The following ANO5 variants were observed in gnomAD, a reference collection of about 807,000 sequenced individuals.
ANO5 encodes anoctamin 5.
A neutral mutation model predicts 121.0 loss-of-function variants in ANO5; 109 were observed. The observed-to-expected ratio is 0.90, with a 90% CI of 0.77 to 1.06. The LOEUF (loss-of-function observed/expected upper bound fraction) is 1.06, where lower values mean the gene tolerates loss of function less well. Ranked by LOEUF, ANO5 falls within the 50% of genes least tolerant of loss-of-function variation. ANO5 has a pLI of 0.00. For missense variants in ANO5, 1,064 were observed against 1,078.5 expected, an observed-to-expected ratio of 0.99 and a Z score of 0.19; for synonymous variants, 406 against 359.9, an observed-to-expected ratio of 1.13 and a Z score of -1.45.
chr11:22,200,443 T>C (rs1851932472), intron 1 of ANO5, among the ~76,000 whole-genome samples: 1 of 152,200 alleles, frequency 6.6e-6, no homozygotes, highest in Non-Finnish European at 1.5e-5. Context: ...GCATCAGCGC[T>C]TCATGCATTC....
At chr11:22,232,194 G>C (rs996693682) in intron 7 of ANO5, among the ~76,000 whole-genome samples, 17 of 151,948 alleles carry the variant, frequency 1.1e-4, no homozygotes, top group African/African-American at 4.1e-4. Flanking sequence ...GCTCTTGTAT[G>C]AACTTTTGTT....
chr11:22,196,073 T>C (rs1251808974), intron 1 of ANO5, among the ~76,000 whole-genome samples: 2 of 152,222 alleles, frequency 1.3e-5, no homozygotes, highest in Non-Finnish European at 2.9e-5. Flanking sequence ...GAGACCTGTG[T>C]TCTTATTAGG....
At chr11:22,218,787 T>C (rs926417578) in intron 4 of ANO5, among the ~76,000 whole-genome samples, 1 of 151,990 alleles carries the variant, frequency 6.6e-6, no homozygotes, top group African/African-American at 2.4e-5. Flanking sequence ...GGTCTTGAAC[T>C]CCTGAGCTCA....
At chr11:22,273,032 T>TG (rs764834668) in intron 19 of ANO5, 43 bp downstream of exon 19, 11 of 1,544,622 alleles carry the variant, frequency 7.1e-6, no homozygotes, top group Non-Finnish European at 9.8e-6. Context: ...TATTTCATTT[T>TG]GGGGGGTGTG....
chr11:22,266,220 A>G (rs1854360935), intron 17 of ANO5, among the ~76,000 whole-genome samples: 1 of 152,204 alleles, frequency 6.6e-6, no homozygotes, highest in Admixed American at 6.5e-5. Context: ...AATGAAGCAC[A>G]TGAAAGAGCT....
intron 15 of ANO5, 71 bp downstream of exon 15, chr11:22,259,812 C>T: frequency 7.1e-7 from 1 of 1,416,260 alleles, no homozygotes; most frequent in Non-Finnish European, 9.8e-7. Context: ...TATTTTGGAT[C>T]AGGTCTCCAG....
At chr11:22,250,540 T>C (rs116081719) in intron 10 of ANO5, among the ~76,000 whole-genome samples, 169 bp downstream of exon 10, 5 of 152,194 alleles carry the variant, frequency 3.3e-5, no homozygotes, top group Non-Finnish European at 7.4e-5. Context: ...CACCTGGTGC[T>C]TTATGGAAAA....
chr11:22,209,089 A>G (rs544271174), intron 2 of ANO5, among the ~76,000 whole-genome samples: 2 of 152,128 alleles, frequency 1.3e-5, no homozygotes, highest in South Asian at 2.1e-4. Flanking sequence ...AGACAGAAGT[A>G]TAAGAATTGT....
intron 21 of ANO5, among the ~76,000 whole-genome samples, chr11:22,276,526 A>G (rs1158221603): frequency 2.6e-5 from 4 of 151,812 alleles, no homozygotes; most frequent in African/African-American, 7.2e-5. Flanking sequence ...GCTGTATTAA[A>G]TCATAACAAC....
Position 22,239,600 on chromosome 11 carries a change from A to T in ANO5, c.794A>T (p.Asn265Ile), listed in dbSNP as rs377553546. ...GQYWKPSEPP[N>I]PTNERYTLHQ... ...TATTGGAAGCCATCAGAACCTCCCA[A>T]TCCTACCAATGAAAGATACACACTT... The change falls in exon 9 of 22, where the codon AAT becomes ATT. Residue 265 changes from asparagine (N) to isoleucine (I), a missense_variant. Transcript: ENST00000324559. The T allele has an allele frequency of 1.4e-5, 22 of 1,612,782 alleles. No homozygotes were observed. Among genetic ancestry groups the T allele is most frequent in the Non-Finnish European group, 1.7e-5 (20 of 1,179,098 alleles).
intron 1 of ANO5, among the ~76,000 whole-genome samples, chr11:22,195,926 G>A (rs1851797058): frequency 6.6e-6 from 1 of 152,122 alleles, no homozygotes; most frequent in Non-Finnish European, 1.5e-5. Context: ...CAGAACCCAA[G>A]CATCAGGGAA....
At position 22,279,875 on chromosome 11, in the gene ANO5, T is replaced by C. The variant is rs1242059732; in HGVS notation, c.*110T>C. 8 of 990,510 alleles carry C rather than the reference T, an allele frequency of 8.1e-6. No homozygotes were observed. Among genetic ancestry groups the C allele is most frequent in the Non-Finnish European group, 1.2e-5 (8 of 680,476 alleles). The allele number at this position is 990,510 out of a possible 1,614,324, so 61.4% of individuals were successfully genotyped here. ...CAATTTTACCCTTTCTTTTTTTTTT[T>C]TTTCTTTTTTTTTTTAAACTCAAAG... On this transcript the variant is annotated 3_prime_UTR_variant, in exon 22 of 22. Coordinates refer to ENST00000324559, the MANE Select transcript of ANO5 (RefSeq NM_213599.3).
At chr11:22,249,231 A>C (rs2133699052) in intron 9 of ANO5, among the ~76,000 whole-genome samples, 1 of 152,220 alleles carries the variant, frequency 6.6e-6, no homozygotes, top group East Asian at 1.9e-4. Flanking sequence ...ATGTTCAATA[A>C]AGTTAATATT....
At position 22,281,065 on chromosome 11, in the gene ANO5, AAAC is replaced by A. The variant is rs1188578264; in HGVS notation, c.*1301_*1303del. ...ATCCTTGTTCTGTTTTCACTTAAAAAAACTAAATATGTATAACTTTGTGTATAC... is the reference window on the plus strand; with the variant it reads ...ATCCTTGTTCTGTTTTCACTTAAAAATAAATATGTATAACTTTGTGTATAC... On this transcript the variant is annotated 3_prime_UTR_variant, in exon 22 of 22. Transcript: ENST00000324559. 6.6e-6 allele frequency: 1 copy of A among 152,010 alleles called. No homozygotes were observed. Among genetic ancestry groups the A allele is most frequent in the Non-Finnish European group, 1.5e-5 (1 of 67,874 alleles). The allele number at this position is 152,010 out of a possible 1,614,324, so 9.4% of individuals were successfully genotyped here.
intron 9 of ANO5, 102 bp downstream of exon 9, chr11:22,239,786 T>G: frequency 1.2e-6 from 1 of 861,098 alleles, no homozygotes; most frequent in Non-Finnish European, 1.9e-6. Flanking sequence ...CCCACTACAT[T>G]TCACAACTTC....
intron 1 of ANO5, among the ~76,000 whole-genome samples, chr11:22,200,018 A>T (rs1427461023): frequency 6.6e-6 from 1 of 152,128 alleles, no homozygotes; most frequent in East Asian, 1.9e-4. Flanking sequence ...GTTTTGTAAC[A>T]TCATGTATTG....
At chr11:22,210,423 T>C (rs1203444164) in intron 2 of ANO5, among the ~76,000 whole-genome samples, 2 of 151,970 alleles carry the variant, frequency 1.3e-5, no homozygotes, top group Non-Finnish European at 2.9e-5. Flanking sequence ...TCTGCTATTT[T>C]GAAAACTGAT....
At position 22,257,719 on chromosome 11, in the gene ANO5, T is replaced by C. The variant is rs1398252521; in HGVS notation, c.1372T>C (p.Trp458Arg). Residue 458 changes from tryptophan to arginine, a missense_variant, in exon 14 of 22, where the codon TGG (tryptophan) becomes CGG (arginine). Trp to Arg is a moderately radical substitution (Grantham distance 101, BLOSUM62 -3). Coordinates refer to ENST00000324559, the MANE Select transcript of ANO5 (RefSeq NM_213599.3). ...PYMPLYTRIP[W>R]YFLSGATVTL... ...CATGCCTCTATACACGCGTATTCCA[T>C]GGTACTTTCTTTCAGGAGCCACAGT... 2.5e-6 allele frequency: 4 copies of C among 1,612,844 alleles called. No homozygotes were observed. Among genetic ancestry groups the C allele is most frequent in the Non-Finnish European group, 2.5e-6 (3 of 1,179,096 alleles).
rs1478360932 is a variant in ANO5, at chr11:22,281,382, A to ACC, written c.*1620_*1621dup. 2.6e-5 allele frequency: 4 copies of ACC among 152,004 alleles called. No individual in the cohort carries two copies. The highest frequency in any genetic ancestry group is 9.7e-5 in the African/African-American group (4 of 41,430). 9.4% of individuals were successfully genotyped at this position (152,004 alleles called of 1,614,324 possible). On this transcript the variant is annotated 3_prime_UTR_variant, in exon 22 of 22. Coordinates refer to ENST00000324559, the MANE Select transcript of ANO5 (RefSeq NM_213599.3). Reference sequence around the variant, plus strand: ...GGATTTTATAAACTATGAGACAGTCACCCCAGTTTGGACTGGGACTAATCC... The same window carrying ACC: ...GGATTTTATAAACTATGAGACAGTCACCCCCCAGTTTGGACTGGGACTAATCC...
Sources: gnomAD v4.1 joint callset for allele counts (sites outside exome capture counted in the v4.1 genomes callset) on GRCh38, gnomAD v4.1.1 for gene constraint, MANE v1.5 for transcripts, NCBI Gene and HGNC (gene_info 2026-07-23, HGNC 2026-07-21) for gene names.